The following EFNA5 variants were observed in gnomAD, a reference collection of about 807,000 sequenced individuals.
EFNA5 encodes ephrin-A5.
A neutral mutation model predicts 22.9 loss-of-function variants in EFNA5; 5 were observed. The ratio of observed to expected loss-of-function variants is 0.22; its 90% CI spans 0.11 to 0.46. The LOEUF is 0.46. EFNA5 is among the 20% of genes least tolerant of loss of function. The pLI is 0.99. For missense variants in EFNA5, 237 were observed against 293.3 expected, an observed-to-expected ratio of 0.81 and a Z score of 1.40; for synonymous variants, 113 against 112.2, an observed-to-expected ratio of 1.01 and a Z score of -0.04.
intron 1 of EFNA5, among the ~76,000 whole-genome samples, chr5:107,497,616 T>C (rs1413500730): frequency 6.7e-6 from 1 of 150,268 alleles, no homozygotes; most frequent in Non-Finnish European, 1.5e-5. Context: ...TGGAAAATCT[T>C]AGCAACTTCT....
intron 1 of EFNA5, among the ~76,000 whole-genome samples, chr5:107,616,992 T>C (rs778205669): frequency 3.3e-5 from 5 of 152,174 alleles, no homozygotes; most frequent in Non-Finnish European, 7.4e-5. Flanking sequence ...GAGAGCACAT[T>C]AGCAGTTTTG....
chr5:107,651,977 T>C (rs1302795897), intron 1 of EFNA5, among the ~76,000 whole-genome samples: 2 of 152,190 alleles, frequency 1.3e-5, no homozygotes, highest in Non-Finnish European at 2.9e-5. Flanking sequence ...ATGGTCCTCC[T>C]TCCCCTACTA....
At position 107,411,809 on chromosome 5, in the gene EFNA5, C is replaced by T. The variant is rs577420662; in HGVS notation, c.418+15408G>A. ...CATTGTTGCCCAGGCTGGGCTCGAG[C>T]GACTCTCCTGCCTTGGCTTCCTAAA... On this transcript the variant is annotated intron_variant, in intron 2 of 4. Coordinates refer to ENST00000333274, the MANE Select transcript of EFNA5 (RefSeq NM_001962.3). Among the ~76,000 whole-genome samples, 34 of 152,248 alleles carry T rather than the reference C, an allele frequency of 2.2e-4. 1 individual carries two copies. Among genetic ancestry groups the T allele is most frequent in the African/African-American group, 7.7e-4 (32 of 41,542 alleles).
At chr5:107,490,530 C>A (rs1223004358) in intron 1 of EFNA5, among the ~76,000 whole-genome samples, 1 of 152,216 alleles carries the variant, frequency 6.6e-6, no homozygotes, top group African/African-American at 2.4e-5. Flanking sequence ...TGCATCCTCA[C>A]CCTGCAGCAT....
At chr5:107,570,888 G>A (rs1310237063) in intron 1 of EFNA5, among the ~76,000 whole-genome samples, 1 of 152,150 alleles carries the variant, frequency 6.6e-6, no homozygotes. Flanking sequence ...CAAACCTGCT[G>A]CCATTAAATA....
chr5:107,656,492 G>A (rs1750828212), intron 1 of EFNA5, among the ~76,000 whole-genome samples: 1 of 152,038 alleles, frequency 6.6e-6, no homozygotes. Flanking sequence ...CAACTCTTCT[G>A]TGATGCTTTT....
At chr5:107,515,504 T>C (rs146209156) in intron 1 of EFNA5, among the ~76,000 whole-genome samples, 4,960 of 151,026 alleles carry the variant, frequency 0.033, 229 homozygotes, top group African/African-American at 0.11. Context: ...TCAGCCTCCC[T>C]AGTAGCTGGG....
intron 1 of EFNA5, among the ~76,000 whole-genome samples, chr5:107,491,619 C>A (rs1336696463): frequency 1.3e-5 from 2 of 151,858 alleles, no homozygotes; most frequent in Admixed American, 1.3e-4. Context: ...ACTGTTCTTT[C>A]TTTTTTCTTG....
chr5:107,560,818 G>A (rs1037500820), intron 1 of EFNA5, among the ~76,000 whole-genome samples: 2 of 152,120 alleles, frequency 1.3e-5, no homozygotes, highest in African/African-American at 4.8e-5. Context: ...CATGGAGTGA[G>A]GCTCCCTGAG....
At chr5:107,418,004 T>C (rs185221) in intron 2 of EFNA5, among the ~76,000 whole-genome samples, 84,089 of 152,092 alleles carry the variant, frequency 0.55, 24,166 homozygotes, top group Non-Finnish European at 0.63. Flanking sequence ...CCTTTCACTC[T>C]GTGTGTATGT....
rs115610844 is a variant in EFNA5, at chr5:107,385,430, C to A, written c.565+1805G>T. 6.3e-3 allele frequency among the ~76,000 whole-genome samples: 958 copies of A among 152,268 alleles called. 12 individuals are homozygous for A. Among genetic ancestry groups the A allele is most frequent in the African/African-American group, 0.022 (916 of 41,546 alleles). On this transcript the variant is annotated intron_variant, in intron 4 of 4. Coordinates refer to ENST00000333274, the MANE Select transcript of EFNA5 (RefSeq NM_001962.3). ...GGGAAAGATATGCCTACATTCTGCACAATGTGTATCAAGAGATCATAATCC... is the reference window on the plus strand; with the variant it reads ...GGGAAAGATATGCCTACATTCTGCAAAATGTGTATCAAGAGATCATAATCC...
chr5:107,439,874 C>T (rs1749211185), intron 1 of EFNA5, among the ~76,000 whole-genome samples: 1 of 152,292 alleles, frequency 6.6e-6, no homozygotes, highest in South Asian at 2.1e-4. Context: ...TATGCCACCA[C>T]CCTTCAACAA....
chr5:107,476,759 C>T (rs1315333735), intron 1 of EFNA5, among the ~76,000 whole-genome samples: 4 of 151,748 alleles, frequency 2.6e-5, no homozygotes, highest in South Asian at 2.1e-4. Context: ...CTCTCTCTCT[C>T]TCACAGGAAC....
At chr5:107,479,981 CA>C (rs1750413443) in intron 1 of EFNA5, among the ~76,000 whole-genome samples, 1 of 152,002 alleles carries the variant, frequency 6.6e-6, no homozygotes, top group Non-Finnish European at 1.5e-5. Flanking sequence ...TACCCTTTTT[CA>C]AAAAGAAAGA....
chr5:107,400,202 C>T (rs1748048332), intron 2 of EFNA5, among the ~76,000 whole-genome samples: 1 of 152,102 alleles, frequency 6.6e-6, no homozygotes, highest in Non-Finnish European at 1.5e-5. Context: ...CAAATATTTA[C>T]ATTTGCTAGC....
At chr5:107,432,230 T>C (rs1020629039) in intron 1 of EFNA5, among the ~76,000 whole-genome samples, 4 of 152,218 alleles carry the variant, frequency 2.6e-5, no homozygotes, top group African/African-American at 7.2e-5. Context: ...GAATAACATG[T>C]TGTTAGGCTC....
At chr5:107,607,363 G>A (rs1228347569) in intron 1 of EFNA5, among the ~76,000 whole-genome samples, 1 of 152,200 alleles carries the variant, frequency 6.6e-6, no homozygotes. Flanking sequence ...AGAGGGCACT[G>A]CACACATTTC....
chr5:107,641,166 TG>T (rs2112544364), intron 1 of EFNA5, among the ~76,000 whole-genome samples: 1 of 152,238 alleles, frequency 6.6e-6, no homozygotes, highest in South Asian at 2.1e-4. Flanking sequence ...GAGACCAGCC[TG>T]GGCAACATGG....
At chr5:107,397,002 G>A (rs1164144496) in intron 2 of EFNA5, among the ~76,000 whole-genome samples, 1 of 152,130 alleles carries the variant, frequency 6.6e-6, no homozygotes, top group Non-Finnish European at 1.5e-5. Flanking sequence ...CCAGCCCAGA[G>A]GTGGCTATAG....
Sources: gnomAD v4.1 joint callset for allele counts (sites outside exome capture counted in the v4.1 genomes callset) on GRCh38, gnomAD v4.1.1 for gene constraint, MANE v1.5 for transcripts, NCBI Gene and HGNC (gene_info 2026-07-23, HGNC 2026-07-21) for gene names.